The following RYR2 variants were observed in gnomAD, a reference collection of about 807,000 sequenced individuals.
The protein encoded by RYR2 is cardiac muscle ryanodine receptor-calcium release channel.
In RYR2, 227 loss-of-function variants were observed where a neutral mutation model predicts 601.1. The observed-to-expected ratio is 0.38, with a 90% confidence interval of 0.34 to 0.42. The LOEUF is 0.42. RYR2 is among the 10% of genes least tolerant of loss of function. The probability of loss-of-function intolerance (pLI) is 1.00; values close to 1 mark genes in which losing one functional copy is unlikely to be tolerated. For missense variants in RYR2, 4,646 were observed against 6,156.5 expected (o/e 0.75, Z 8.21); for synonymous variants, 2,223 against 2,175.1 (o/e 1.02, Z -0.61).
chr1:237,166,042 T>A (rs1676681075), intron 1 of RYR2, among the ~76,000 whole-genome samples: 1 of 152,034 alleles, frequency 6.6e-6, no homozygotes, highest in Non-Finnish European at 1.5e-5. Flanking sequence ...CACAAAAACT[T>A]TAAAGTGAAA....
intron 25 of RYR2, among the ~76,000 whole-genome samples, chr1:237,539,639 A>T (rs1354980797): frequency 6.6e-6 from 1 of 152,156 alleles, no homozygotes; most frequent in Middle Eastern, 3.2e-3. Context: ...GAGCTCAACA[A>T]TGAGAACACA....
At chr1:237,084,960 A>T (rs1325182034) in intron 1 of RYR2, among the ~76,000 whole-genome samples, 1 of 152,218 alleles carries the variant, frequency 6.6e-6, no homozygotes, top group African/African-American at 2.4e-5. Flanking sequence ...CCAAATGCTG[A>T]ATAATGATAG....
At chr1:237,514,071 A>G (rs1666177483) in intron 24 of RYR2, among the ~76,000 whole-genome samples, 1 of 152,236 alleles carries the variant, frequency 6.6e-6, no homozygotes, top group Admixed American at 6.5e-5. Context: ...GAGTACGTGG[A>G]TTCAGCATCT....
intron 2 of RYR2, among the ~76,000 whole-genome samples, chr1:237,298,806 T>C (rs12069189): frequency 0.053 from 8,093 of 152,034 alleles, 572 homozygotes; most frequent in African/African-American, 0.16. Context: ...TTGAGACCAA[T>C]CTGGGCAAGA....
chr1:237,777,303 A>G (rs558150526), intron 87 of RYR2, among the ~76,000 whole-genome samples: 2 of 152,146 alleles, frequency 1.3e-5, no homozygotes, highest in African/African-American at 4.8e-5. Context: ...AGTCGTTCTC[A>G]TAGTCATCTG....
intron 63 of RYR2, among the ~76,000 whole-genome samples, chr1:237,695,253 T>C (rs569719716): frequency 1.3e-5 from 2 of 152,330 alleles, no homozygotes. Context: ...TAAAACCCAA[T>C]GTTGTCCCTA....
intron 70 of RYR2, among the ~76,000 whole-genome samples, chr1:237,710,156 T>A (rs559311141): frequency 6.6e-6 from 1 of 152,310 alleles, no homozygotes; most frequent in Non-Finnish European, 1.5e-5. Context: ...TGGAAAAGAT[T>A]TTAATCATAA....
At chr1:237,770,540 TA>T (rs1221826077) in intron 84 of RYR2, among the ~76,000 whole-genome samples, 1 of 152,366 alleles carries the variant, frequency 6.6e-6, no homozygotes, top group Admixed American at 6.5e-5. Flanking sequence ...AGGTCATTTG[TA>T]AAATGTTGCC....
chr1:237,574,818 C>A (rs890289866), intron 29 of RYR2, among the ~76,000 whole-genome samples: 2 of 152,106 alleles, frequency 1.3e-5, no homozygotes, highest in Admixed American at 6.5e-5. Context: ...TGACTCCAAC[C>A]CTCAGATGAG....
At chr1:237,826,994 TTC>T (rs1236599165) in intron 101 of RYR2, among the ~76,000 whole-genome samples, 6 of 152,188 alleles carry the variant, frequency 3.9e-5, no homozygotes, top group Non-Finnish European at 8.8e-5. Context: ...TGTGGTGTTT[TTC>T]TCTCTCAGAA....
At chr1:237,247,760 G>GA (rs1310943296) in intron 1 of RYR2, among the ~76,000 whole-genome samples, 5 of 152,076 alleles carry the variant, frequency 3.3e-5, no homozygotes, top group Non-Finnish European at 7.4e-5. Flanking sequence ...ATGAAGGAAA[G>GA]AAAAAAATCA....
chr1:237,620,143 A>G (rs1678921373), intron 38 of RYR2, among the ~76,000 whole-genome samples: 1 of 152,170 alleles, frequency 6.6e-6, no homozygotes, highest in African/African-American at 2.4e-5. Context: ...AAATATATGT[A>G]TAGGGAATAT....
chr1:237,627,631 T>G (rs1317171047), intron 40 of RYR2, among the ~76,000 whole-genome samples, 176 bp from the exon 41 acceptor site: 1 of 152,234 alleles, frequency 6.6e-6, no homozygotes, highest in Non-Finnish European at 1.5e-5. Context: ...AACTGATCTG[T>G]ATTGAAATAT....
intron 1 of RYR2, among the ~76,000 whole-genome samples, chr1:237,062,684 T>A (rs1453288998): frequency 6.6e-6 from 1 of 152,178 alleles, no homozygotes; most frequent in African/African-American, 2.4e-5. Flanking sequence ...ATTTTTTGCT[T>A]CTCAGTTTTC....
chr1:237,461,205 T>G (rs1659445915), intron 16 of RYR2, among the ~76,000 whole-genome samples: 1 of 152,214 alleles, frequency 6.6e-6, no homozygotes, highest in African/African-American at 2.4e-5. Flanking sequence ...TTCTACCCAT[T>G]TTTGAACACA....
intron 58 of RYR2, 25 bp downstream of exon 58, chr1:237,667,983 TA>T: frequency 6.6e-7 from 1 of 1,524,600 alleles, no homozygotes; most frequent in Non-Finnish European, 8.9e-7. Context: ...AAACGTTTAT[TA>T]AAAAATAATC....
At chr1:237,704,465 A>G (rs1688206917) in intron 66 of RYR2, among the ~76,000 whole-genome samples, 1 of 152,034 alleles carries the variant, frequency 6.6e-6, no homozygotes, top group South Asian at 2.1e-4. Context: ...ATTCTGTTCT[A>G]TTATTTGATT....
At chr1:237,307,573 T>G (rs2149475969) in intron 2 of RYR2, among the ~76,000 whole-genome samples, 1 of 152,348 alleles carries the variant, frequency 6.6e-6, no homozygotes, top group East Asian at 1.9e-4. Context: ...CTTTTTGAAA[T>G]TTGTCATTTA....
intron 32 of RYR2, among the ~76,000 whole-genome samples, 160 bp from the exon 33 acceptor site, chr1:237,593,316 A>C (rs1675440833): frequency 6.6e-6 from 1 of 152,212 alleles, no homozygotes. Flanking sequence ...TTGTAGTGTT[A>C]GTCCTTTGTG....
Sources: allele counts gnomAD v4.1 joint callset (sites outside exome capture counted in the v4.1 genomes callset), GRCh38; gene constraint gnomAD v4.1.1; transcripts MANE v1.5; gene names NCBI Gene and HGNC (gene_info 2026-07-23, HGNC 2026-07-21).